The following AUTS2 variants were observed in gnomAD, a reference collection of about 807,000 sequenced individuals.
AUTS2 encodes autism susceptibility gene 2 protein.
In AUTS2, 17 loss-of-function variants were observed where a neutral mutation model predicts 112.4. That is an observed-to-expected ratio of 0.15 (90% confidence interval 0.10 to 0.23). The LOEUF (loss-of-function observed/expected upper bound fraction) is 0.23. AUTS2 is among the 10% of genes least tolerant of loss of function. The probability of loss-of-function intolerance (pLI) is 1.00; values close to 1 mark genes in which losing one functional copy is unlikely to be tolerated. For synonymous variants in AUTS2, 751 were observed against 702.7 expected, an observed-to-expected ratio of 1.07 and a Z score of -1.09; for missense variants, 1,510 against 1,701.6, an observed-to-expected ratio of 0.89 and a Z score of 1.98.
chr7:69,605,857 G>T (rs1358001338), intron 1 of AUTS2, among the ~76,000 whole-genome samples: 2 of 152,180 alleles, frequency 1.3e-5, no homozygotes, highest in East Asian at 3.8e-4. Context: ...AGAATTTGGA[G>T]GAAAGGAAGG....
chr7:70,398,005 T>C (rs1794162224), intron 4 of AUTS2, among the ~76,000 whole-genome samples: 1 of 152,236 alleles, frequency 6.6e-6, no homozygotes, highest in African/African-American at 2.4e-5. Context: ...GTTTGTTTGT[T>C]TGTTTGCTTA....
At chr7:69,763,492 A>G (rs999826962) in intron 1 of AUTS2, among the ~76,000 whole-genome samples, 3 of 152,186 alleles carry the variant, frequency 2.0e-5, no homozygotes, top group Non-Finnish European at 4.4e-5. Flanking sequence ...TCCATTTGAA[A>G]TGGCTCCATC....
intron 2 of AUTS2, among the ~76,000 whole-genome samples, chr7:70,090,766 C>G (rs186255054): frequency 1.3e-5 from 2 of 151,568 alleles, no homozygotes; most frequent in African/African-American, 4.8e-5. Context: ...GCCGCCTTCG[C>G]CTCTTGGGTT....
At chr7:70,117,850 G>A (rs1229898101) in intron 2 of AUTS2, among the ~76,000 whole-genome samples, 3 of 151,852 alleles carry the variant, frequency 2.0e-5, no homozygotes, top group Non-Finnish European at 4.4e-5. Context: ...CCAGGTTCAA[G>A]CGATTCTCCT....
intron 5 of AUTS2, among the ~76,000 whole-genome samples, chr7:70,472,614 C>G (rs1007094018): frequency 3.9e-5 from 6 of 152,176 alleles, no homozygotes; most frequent in Non-Finnish European, 7.3e-5. Flanking sequence ...ATGCTGGATA[C>G]AATGAGGTAA....
intron 2 of AUTS2, among the ~76,000 whole-genome samples, chr7:70,117,110 T>G (rs1805403052): frequency 4.0e-5 from 4 of 100,886 alleles, no homozygotes; most frequent in Non-Finnish European, 8.0e-5. Context: ...TTTTGTTTTT[T>G]TTTTTTGTTT....
chr7:69,747,537 A>C (rs1306021874), intron 1 of AUTS2, among the ~76,000 whole-genome samples: 2 of 152,208 alleles, frequency 1.3e-5, no homozygotes, highest in Non-Finnish European at 2.9e-5. Flanking sequence ...TTTTGTTTTC[A>C]GCATGACATG....
In AUTS2 at chr7:70,220,358, G is replaced by A. The variant is rs548308749; in HGVS notation, c.660+85787G>A. Among the ~76,000 whole-genome samples, 43 of 152,276 alleles carry A rather than the reference G, an allele frequency of 2.8e-4. 1 individual carries two copies. The highest frequency in any genetic ancestry group is 3.4e-3 in the Middle Eastern group (1 of 294). ...TGCCAACCTTTCCTCTGTACCTGCT[G>A]CATGCCAGCGTCACTCCTCATTCTT... On this transcript the variant is annotated intron_variant, in intron 4 of 18. Coordinates refer to ENST00000342771, the MANE Select transcript of AUTS2 (RefSeq NM_015570.4).
At chr7:70,762,122 G>A (rs137985047) in intron 6 of AUTS2, among the ~76,000 whole-genome samples, 1 of 152,304 alleles carries the variant, frequency 6.6e-6, no homozygotes, top group East Asian at 1.9e-4. Context: ...AAACATCCGT[G>A]TGATGTTAAA....
chr7:69,929,810 G>T (rs1423112733), intron 2 of AUTS2, among the ~76,000 whole-genome samples: 1 of 151,998 alleles, frequency 6.6e-6, no homozygotes, highest in African/African-American at 2.4e-5. Context: ...GCCACTTCTG[G>T]GTTGTTTTCA....
intron 5 of AUTS2, among the ~76,000 whole-genome samples, chr7:70,664,945 C>A (rs1311253054): frequency 6.6e-6 from 1 of 152,118 alleles, no homozygotes; most frequent in African/African-American, 2.4e-5. Context: ...TAGTGATGCA[C>A]ACCTGTAGTC....
rs71077675 is a variant in AUTS2, at chr7:70,724,443, C to CTTTTTTTTTTTTTTTTTT, written c.742+25826_742+25843dup. On this transcript the variant is annotated intron_variant, in intron 6 of 18. Transcript: ENST00000342771. ...AAGAATGATTTTATTTTCATCCTGA[C>CTTTTTTTTTTTTTTTTTT]TTTTTTTTTTTTTTTTTTTTGAGAC... is the stretch of plus-strand genomic sequence containing the variant. Among the ~76,000 whole-genome samples, 26 of 101,374 alleles carry CTTTTTTTTTTTTTTTTTT rather than the reference C, an allele frequency of 2.6e-4. 2 individuals carry two copies. The highest frequency in any genetic ancestry group is 2.0e-3 in the East Asian group (5 of 2,518). 66.5% of individuals were successfully genotyped at this position (101,374 alleles called of 152,430 possible). A position where few individuals can be genotyped will look rare whatever the true frequency, so the allele number is the denominator to read the frequency against.
At chr7:70,245,140 GTGTGTATATATATATATA>G (rs2129601821) in intron 4 of AUTS2, among the ~76,000 whole-genome samples, 1 of 68,708 alleles carries the variant, frequency 1.5e-5, no homozygotes, top group African/African-American at 6.4e-5. Flanking sequence ...AAAAGTGTGT[GTGTGTATATATATATATA>G]TATATATATA....
At chr7:69,996,920 C>G (rs1024095404) in intron 2 of AUTS2, among the ~76,000 whole-genome samples, 4 of 130,312 alleles carry the variant, frequency 3.1e-5, no homozygotes, top group African/African-American at 6.1e-5. Context: ...CAACCTGGCT[C>G]CTTTTTCGAA....
rs1193043666 is a variant in AUTS2, at chr7:70,787,438, A to T, written c.2531+7A>T. On this transcript the variant is annotated splice_region_variant and intron_variant, in intron 18 of 18. Coordinates refer to ENST00000342771, the MANE Select transcript of AUTS2 (RefSeq NM_015570.4). ...GTAAAGATGACAAAGAAAGGTACGG[A>T]AAGAAACCGCTCTCGAGTCCCCACG... 1 of 1,600,172 alleles carries T rather than the reference A, an allele frequency of 6.2e-7. No homozygotes were observed. The highest frequency in any genetic ancestry group is 1.7e-5 in the Admixed American group (1 of 59,028).
At chr7:70,480,121 G>A (rs1020279340) in intron 5 of AUTS2, among the ~76,000 whole-genome samples, 1 of 152,188 alleles carries the variant, frequency 6.6e-6, no homozygotes, top group Non-Finnish European at 1.5e-5. Flanking sequence ...CGCTCTCACT[G>A]TGGTTCTTAG....
At chr7:69,706,080 C>T (rs1250688412) in intron 1 of AUTS2, among the ~76,000 whole-genome samples, 3 of 152,206 alleles carry the variant, frequency 2.0e-5, no homozygotes, top group Non-Finnish European at 4.4e-5. Flanking sequence ...CCCAACCCAT[C>T]CCCTCTGCCT....
chr7:70,453,697 T>A (rs1207915538), intron 5 of AUTS2, among the ~76,000 whole-genome samples: 2 of 152,146 alleles, frequency 1.3e-5, no homozygotes, highest in African/African-American at 4.8e-5. Flanking sequence ...GCAGCATCAT[T>A]CTCATCTCTG....
At chr7:70,138,547 C>A (rs141842490) in intron 4 of AUTS2, among the ~76,000 whole-genome samples, 2 of 152,274 alleles carry the variant, frequency 1.3e-5, no homozygotes, top group East Asian at 1.9e-4. Context: ...AGAACCACAG[C>A]CTCAAATAGC....
Sources: gnomAD v4.1 joint callset for allele counts (sites outside exome capture counted in the v4.1 genomes callset) on GRCh38, gnomAD v4.1.1 for gene constraint, MANE v1.5 for transcripts, NCBI Gene and HGNC (gene_info 2026-07-23, HGNC 2026-07-21) for gene names.